RABGAP1L: variants seen among roughly 807,000 people sequenced by gnomAD.
The protein encoded by RABGAP1L is RAB GTPase activating protein 1 like, also known as rab GTPase-activating protein 1-like.
A neutral mutation model predicts 137.7 loss-of-function variants in RABGAP1L; 63 were observed. That is an observed-to-expected ratio of 0.46 (90% CI 0.37 to 0.56). RABGAP1L has a LOEUF of 0.56. RABGAP1L is among the 20% of genes least tolerant of loss of function. RABGAP1L has a pLI of 0.00. For synonymous variants in RABGAP1L, 431 were observed against 433.7 expected, an observed-to-expected ratio of 0.99 and a Z score of 0.08; for missense variants, 1,095 against 1,244.0, an observed-to-expected ratio of 0.88 and a Z score of 1.80.
chr1:174,376,229 A>AGGAAAGAAGGAAGGAAGGAAG (rs1243054034), intron 12 of RABGAP1L, among the ~76,000 whole-genome samples: 8 of 151,284 alleles, frequency 5.3e-5, no homozygotes, highest in Non-Finnish European at 1.0e-4. Context: ...AAGGAAGGAA[A>AGGAAAGAAGGAAGGAAGGAAG]GGAAAGAAGG....
chr1:174,241,373 C>T, intron 4 of RABGAP1L, 110 bp from the exon 5 acceptor site: 1 of 664,948 alleles, frequency 1.5e-6, no homozygotes, highest in East Asian at 3.0e-5. Flanking sequence ...CATATATTGT[C>T]ATAGTAAAAC....
Position 174,969,333 on chromosome 1 carries a change from C to T in RABGAP1L, c.2490C>T (p.Asp830=), listed in dbSNP as rs1171356087. 4 of 1,550,764 alleles carry T rather than the reference C, an allele frequency of 2.6e-6. No individual in the cohort carries two copies. Among genetic ancestry groups the T allele is most frequent in the Non-Finnish European group, 3.5e-6 (4 of 1,146,982 alleles). The change falls in exon 21 of 26, where the codon GAC becomes GAT. Residue 830 remains aspartate, a synonymous_variant. Coordinates refer to ENST00000681986, the MANE Select transcript of RABGAP1L (RefSeq NM_001366446.1). The stretch of plus-strand genomic sequence containing the variant: ...TGAGGTTGGAACAAGAGAATGATGA[C>T]CTTGCCCATGAACTAGTAACAAGCA... ...ASMRLEQEND[D]LAHELVTSKI...
chr1:174,959,433 T>A (rs1483241215), intron 20 of RABGAP1L, among the ~76,000 whole-genome samples: 2 of 152,238 alleles, frequency 1.3e-5, no homozygotes, highest in African/African-American at 4.8e-5. Context: ...GGAATTGAAC[T>A]TGTTATTGTG....
intron 1 of RABGAP1L, among the ~76,000 whole-genome samples, chr1:174,170,379 C>T (rs1193683253): frequency 1.3e-5 from 2 of 152,036 alleles, no homozygotes; most frequent in African/African-American, 4.8e-5. Context: ...ACTTCAGTAA[C>T]TTACCTAAGA....
intron 13 of RABGAP1L, among the ~76,000 whole-genome samples, chr1:174,511,381 C>T (rs893560792): frequency 6.6e-6 from 1 of 152,082 alleles, no homozygotes; most frequent in Admixed American, 6.5e-5. Context: ...ATAGGTATTG[C>T]TGAATGTTTA....
intron 12 of RABGAP1L, among the ~76,000 whole-genome samples, chr1:174,372,274 T>C (rs1252736856): frequency 2.6e-5 from 4 of 151,922 alleles, no homozygotes; most frequent in Non-Finnish European, 5.9e-5. Flanking sequence ...CAGTCAGTGG[T>C]CCAAAGTAGG....
At chr1:174,843,797 C>T (rs1447610021) in intron 19 of RABGAP1L, among the ~76,000 whole-genome samples, 8 of 125,912 alleles carry the variant, frequency 6.4e-5, no homozygotes, top group Non-Finnish European at 1.2e-4. Flanking sequence ...CCTGAGGAAT[C>T]GCCACACTGA....
At chr1:174,234,890 T>C (rs1484101576) in intron 4 of RABGAP1L, among the ~76,000 whole-genome samples, 5 of 139,264 alleles carry the variant, frequency 3.6e-5, no homozygotes, top group African/African-American at 8.5e-5. Flanking sequence ...TGATTCTTCC[T>C]ACCCATGAGC....
At chr1:174,202,015 G>A (rs1040910543) in intron 1 of RABGAP1L, among the ~76,000 whole-genome samples, 2 of 152,030 alleles carry the variant, frequency 1.3e-5, no homozygotes, top group Non-Finnish European at 2.9e-5. Context: ...ATTCCATGGT[G>A]TATATGTGCC....
chr1:174,520,947 G>A (rs1046777691), intron 13 of RABGAP1L, among the ~76,000 whole-genome samples: 1 of 152,198 alleles, frequency 6.6e-6, no homozygotes, highest in Non-Finnish European at 1.5e-5. Context: ...TTTGCCGTGA[G>A]CTGAGATTGC....
intron 13 of RABGAP1L, among the ~76,000 whole-genome samples, chr1:174,396,916 ATGGCT>A (rs1558198887): frequency 1.3e-5 from 2 of 150,766 alleles, no homozygotes; most frequent in African/African-American, 2.4e-5. Context: ...AGGTGGGAGG[ATGGCT>A]TGAGCCCACG....
At chr1:174,264,251 T>G (rs1673851918) in intron 7 of RABGAP1L, among the ~76,000 whole-genome samples, 1 of 152,124 alleles carries the variant, frequency 6.6e-6, no homozygotes, top group Non-Finnish European at 1.5e-5. Context: ...TTAGGTGAAT[T>G]ATTTCATTAT....
chr1:174,463,094 G>A (rs1656879414), intron 13 of RABGAP1L, among the ~76,000 whole-genome samples: 1 of 152,160 alleles, frequency 6.6e-6, no homozygotes, highest in Non-Finnish European at 1.5e-5. Context: ...CATTGTGGAA[G>A]TCAGTGTGGC....
At chr1:174,602,603 A>T (rs1670496607) in intron 13 of RABGAP1L, among the ~76,000 whole-genome samples, 2 of 152,170 alleles carry the variant, frequency 1.3e-5, no homozygotes, top group African/African-American at 4.8e-5. Context: ...CCTATTATTT[A>T]GATCTTGTAG....
chr1:174,670,268 T>C (rs1037980589), intron 14 of RABGAP1L, among the ~76,000 whole-genome samples: 2 of 150,960 alleles, frequency 1.3e-5, no homozygotes, highest in Admixed American at 6.6e-5. Context: ...ATTTTGTGGG[T>C]ACATAGTGGG....
At chr1:174,848,423 T>A (rs1457523786) in intron 19 of RABGAP1L, among the ~76,000 whole-genome samples, 3 of 143,346 alleles carry the variant, frequency 2.1e-5, no homozygotes, top group Non-Finnish European at 4.5e-5. Flanking sequence ...ATGTCCTTTC[T>A]GTTTGTTAGT....
At chr1:174,926,453 A>G (rs953419275) in intron 19 of RABGAP1L, among the ~76,000 whole-genome samples, 3 of 152,140 alleles carry the variant, frequency 2.0e-5, no homozygotes, top group Admixed American at 2.0e-4. Context: ...GTTTTTAGAA[A>G]ATTCTGCATA....
At chr1:174,861,341 T>C (rs906676633) in intron 19 of RABGAP1L, among the ~76,000 whole-genome samples, 1 of 152,190 alleles carries the variant, frequency 6.6e-6, no homozygotes, top group Admixed American at 6.5e-5. Context: ...CCACCTTTTT[T>C]GTATCCATTC....
intron 13 of RABGAP1L, among the ~76,000 whole-genome samples, chr1:174,623,776 C>T (rs746899794): frequency 5.3e-5 from 8 of 152,160 alleles, no homozygotes; most frequent in Admixed American, 5.2e-4. Flanking sequence ...TCATAAATAA[C>T]ATTGTTAGAC....
Sources: allele counts gnomAD v4.1 joint callset (sites outside exome capture counted in the v4.1 genomes callset), GRCh38; gene constraint gnomAD v4.1.1; transcripts MANE v1.5; gene names NCBI Gene and HGNC (gene_info 2026-07-23, HGNC 2026-07-21).